Variants in HTRA1 observed in about 807,000 individuals in gnomAD.
HTRA1 encodes the protein HtrA serine peptidase 1, also known as serine protease HTRA1.
In HTRA1, 26 loss-of-function variants were observed where a neutral mutation model predicts 49.7. The observed-to-expected ratio is 0.52, with a 90% confidence interval of 0.38 to 0.73. The LOEUF (loss-of-function observed/expected upper bound fraction) is 0.73, where lower values mean the gene tolerates loss of function less well. Ranked by LOEUF, HTRA1 falls within the 30% of genes least tolerant of loss-of-function variation. HTRA1 has a pLI of 0.00. For missense variants in HTRA1, 561 were observed against 667.2 expected, an observed-to-expected ratio of 0.84 and a Z score of 1.75; for synonymous variants, 291 against 286.9, an observed-to-expected ratio of 1.01 and a Z score of -0.14.
chr10:122,477,660 G>T (rs2097489248), intron 1 of HTRA1, among the ~76,000 whole-genome samples: 1 of 152,194 alleles, frequency 6.6e-6, no homozygotes, highest in African/African-American at 2.4e-5. Flanking sequence ...GAGCGGCAGT[G>T]TGTCTGCAGG....
intron 7 of HTRA1, among the ~76,000 whole-genome samples, chr10:122,511,119 C>T (rs1439880277): frequency 2.0e-5 from 3 of 152,140 alleles, no homozygotes; most frequent in East Asian, 1.9e-4. Flanking sequence ...GGGATGACAG[C>T]GCAGGTGCTT....
chr10:122,470,626 C>G (rs894848614), intron 1 of HTRA1, among the ~76,000 whole-genome samples: 2 of 149,162 alleles, frequency 1.3e-5, no homozygotes, highest in Non-Finnish European at 3.0e-5. Context: ...TATCAACTCC[C>G]AATGCTTCAG....
At chr10:122,480,282 G>C (rs894398474) in intron 1 of HTRA1, among the ~76,000 whole-genome samples, 3 of 151,934 alleles carry the variant, frequency 2.0e-5, no homozygotes, top group African/African-American at 7.2e-5. Context: ...AGTACAACTT[G>C]GTGTTCCTAC....
intron 1 of HTRA1, among the ~76,000 whole-genome samples, chr10:122,470,038 G>A (rs1446204371): frequency 6.6e-6 from 1 of 152,156 alleles, no homozygotes; most frequent in East Asian, 1.9e-4. Flanking sequence ...TGAGAGGAAT[G>A]TGTGTTCTGT....
rs190064596 is a variant in HTRA1 at position 122,496,865 on chromosome 10, T to G, written c.777+7239T>G. Among the ~76,000 whole-genome samples the G allele has an allele frequency of 2.0e-5, 3 of 152,282 alleles. No individual in the cohort carries two copies. In the East Asian group the frequency reaches 5.8e-4, roughly 29 times the overall value. ...AGAACCCTCCAGAACAAGTTTCTGG[T>G]TAGCTAGTTTCTCTGTGTGTTGTCT... On this transcript the variant is annotated intron_variant, in intron 3 of 8. Coordinates refer to ENST00000368984, the MANE Select transcript of HTRA1 (RefSeq NM_002775.5).
intron 1 of HTRA1, among the ~76,000 whole-genome samples, chr10:122,481,772 G>C (rs544184994): frequency 6.6e-6 from 1 of 152,146 alleles, no homozygotes; most frequent in Admixed American, 6.5e-5. Flanking sequence ...GATCTTTCCC[G>C]CACTGTTCTC....
chr10:122,498,954 C>T (rs1215832415), intron 3 of HTRA1, among the ~76,000 whole-genome samples: 1 of 152,130 alleles, frequency 6.6e-6, no homozygotes, highest in African/African-American at 2.4e-5. Flanking sequence ...ATGCAGGGGT[C>T]ATTGCTACCC....
At chr10:122,483,374 T>C (rs1256937713) in intron 1 of HTRA1, among the ~76,000 whole-genome samples, 2 of 152,178 alleles carry the variant, frequency 1.3e-5, no homozygotes, top group Non-Finnish European at 2.9e-5. Flanking sequence ...AATGGGCCAT[T>C]TGTTGTGTTA....
rs367759521 is a variant in HTRA1, at chr10:122,489,643, C to T, written c.777+17C>T. On this transcript the variant is annotated intron_variant, in intron 3 of 8. Transcript: ENST00000368984. ...GACCACCAGGTAAGGGTGTTCTCGC[C>T]TGCAGAGGTGAGTTCTCAGATGCCC... 180 of 1,609,822 alleles carry T rather than the reference C, an allele frequency of 1.1e-4. No homozygotes were observed. In the African/African-American group the frequency reaches 2.2e-3, roughly 19 times the overall value.
At chr10:122,502,389 T>C (rs2133446310) in intron 3 of HTRA1, among the ~76,000 whole-genome samples, 2 of 152,310 alleles carry the variant, frequency 1.3e-5, no homozygotes, top group South Asian at 2.1e-4. Flanking sequence ...GTGTTAGCAT[T>C]ACTCCCACTA....
chr10:122,472,362 T>TTTATTACTA (rs900990758), intron 1 of HTRA1, among the ~76,000 whole-genome samples: 2 of 127,100 alleles, frequency 1.6e-5, no homozygotes, highest in Non-Finnish European at 3.3e-5. Context: ...ATATCATTTC[T>TTTATTACTA]TTATTACTAT....
chr10:122,484,154 C>T (rs1362899453), intron 1 of HTRA1, among the ~76,000 whole-genome samples: 2 of 152,216 alleles, frequency 1.3e-5, no homozygotes, highest in Non-Finnish European at 2.9e-5. Context: ...CAGGGGGCTT[C>T]CCGTCCTCAT....
intron 3 of HTRA1, among the ~76,000 whole-genome samples, chr10:122,495,221 T>A (rs2097498098): frequency 6.6e-6 from 1 of 152,156 alleles, no homozygotes; most frequent in Non-Finnish European, 1.5e-5. Context: ...TCCCCTCTTG[T>A]TTCTGTGTTT....
intron 1 of HTRA1, among the ~76,000 whole-genome samples, chr10:122,482,331 C>T (rs11200649): frequency 0.2 from 30,663 of 151,948 alleles, 3,390 homozygotes; most frequent in South Asian, 0.42. Flanking sequence ...GCCAGAAATC[C>T]AACTTCATAT....
intron 1 of HTRA1, among the ~76,000 whole-genome samples, chr10:122,486,477 G>A (rs774268672): frequency 2.6e-5 from 4 of 152,192 alleles, no homozygotes; most frequent in Non-Finnish European, 5.9e-5. Flanking sequence ...TCAGGGGCTA[G>A]GACAGAAAAC....
At chr10:122,478,821 G>C (rs1234964211) in intron 1 of HTRA1, among the ~76,000 whole-genome samples, 1 of 152,244 alleles carries the variant, frequency 6.6e-6, no homozygotes, top group African/African-American at 2.4e-5. Context: ...GGCCCCATGG[G>C]CATGGACCTG....
chr10:122,503,128 G>A (rs763005330), intron 3 of HTRA1, among the ~76,000 whole-genome samples: 62 of 152,238 alleles, frequency 4.1e-4, no homozygotes, highest in Non-Finnish European at 5.7e-4. Context: ...TGTGGGTGGC[G>A]CGGGAACCAG....
chr10:122,482,477 T>C (rs1030697642), intron 1 of HTRA1, among the ~76,000 whole-genome samples: 3 of 152,138 alleles, frequency 2.0e-5, no homozygotes, highest in Admixed American at 1.3e-4. Context: ...GAATTTTCTG[T>C]GGCACTCTGG....
chr10:122,503,495 T>A (rs1293033310), intron 3 of HTRA1, among the ~76,000 whole-genome samples: 1 of 152,142 alleles, frequency 6.6e-6, no homozygotes, highest in Non-Finnish European at 1.5e-5. Flanking sequence ...CCACCATAAA[T>A]CTGGCCTGGT....
Sources: gnomAD v4.1 joint callset for allele counts (sites outside exome capture counted in the v4.1 genomes callset) on GRCh38, gnomAD v4.1.1 for gene constraint, MANE v1.5 for transcripts, NCBI Gene and HGNC (gene_info 2026-07-23, HGNC 2026-07-21) for gene names.